The following CXorf58 variants were observed in gnomAD, a reference collection of about 807,000 sequenced individuals.
CXorf58 encodes uncharacterized protein CXorf58.
CXorf58 carries 24 observed loss-of-function variants against 26.0 expected under a neutral mutation model. The observed-to-expected ratio is 0.92, with a 90% CI of 0.67 to 1.30. CXorf58 has a LOEUF of 1.30. Among genes scored for constraint, CXorf58 ranks in the 50% most tolerant of loss-of-function variants. The pLI is 0.00. For missense variants in CXorf58, 236 were observed against 263.9 expected (o/e 0.89, Z 0.73); for synonymous variants, 87 against 86.1 (o/e 1.01, Z -0.06).
At chrX:23,923,345 G>C (rs1927916778) in intron 5 of CXorf58, among the ~76,000 whole-genome samples, 1 of 110,739 alleles carries the variant, frequency 9.0e-6, no homozygotes, top group Non-Finnish European at 1.9e-5. Context: ...ATTGGTGGTG[G>C]TGGCTGAGTG....
intron 7 of CXorf58, among the ~76,000 whole-genome samples, chrX:23,937,493 C>T (rs1331565686): frequency 2.9e-5 from 3 of 104,448 alleles, no homozygotes; most frequent in East Asian, 3.1e-4. Flanking sequence ...GGCACAATCT[C>T]GGCTCCCCAC....
At chrX:23,909,071 C>T (rs918556300) in intron 1 of CXorf58, among the ~76,000 whole-genome samples, 2 of 111,549 alleles carry the variant, frequency 1.8e-5, no homozygotes, top group Non-Finnish European at 3.8e-5. Flanking sequence ...ATGTTAAGGG[C>T]TGCTTTTCTC....
At chrX:23,926,506 A>AAG (rs1419272953) in intron 5 of CXorf58, among the ~76,000 whole-genome samples, 1 of 111,953 alleles carries the variant, frequency 8.9e-6, no homozygotes, top group African/African-American at 3.2e-5. Context: ...TAACACATAA[A>AAG]AGAGAGGTGG....
intron 3 of CXorf58, among the ~76,000 whole-genome samples, chrX:23,914,806 C>G (rs1218428725): frequency 9.1e-6 from 1 of 110,422 alleles, no homozygotes; most frequent in Non-Finnish European, 1.9e-5. Context: ...ATCACTTGAA[C>G]CTGGGAGGTG....
intron 6 of CXorf58, among the ~76,000 whole-genome samples, chrX:23,928,390 C>G (rs759909736): frequency 5.4e-4 from 60 of 110,728 alleles, no homozygotes; most frequent in Non-Finnish European, 1.0e-3. Flanking sequence ...ACCATATTGG[C>G]CAGGCTGGTC....
chrX:23,911,927 C>A (rs1187279855), intron 3 of CXorf58, 71 bp downstream of exon 3: 2 of 698,475 alleles, frequency 2.9e-6, no homozygotes, highest in Admixed American at 3.1e-5. Context: ...AATTAAAGAT[C>A]GAATAGATAA....
chrX:23,929,429 G>A (rs6627986), intron 6 of CXorf58, among the ~76,000 whole-genome samples: 20 of 81,701 alleles, frequency 2.4e-4, no homozygotes, highest in Middle Eastern at 6.8e-3. Context: ...AAAAGAAAAA[G>A]AAAAAAAAAG....
chrX:23,924,299 T>A (rs1927943936), intron 5 of CXorf58, among the ~76,000 whole-genome samples: 1 of 95,828 alleles, frequency 1.0e-5, no homozygotes, highest in South Asian at 5.6e-4. Flanking sequence ...AATACTATCT[T>A]TATTTTATTT....
At chrX:23,919,710 G>T (rs1408960303) in intron 5 of CXorf58, among the ~76,000 whole-genome samples, 1 of 112,312 alleles carries the variant, frequency 8.9e-6, no homozygotes, top group Non-Finnish European at 1.9e-5. Context: ...CAATGTCTGG[G>T]CATCGAAGAG....
At chrX:23,937,889 A>ATT (rs753150925) in intron 7 of CXorf58, among the ~76,000 whole-genome samples, 4 of 100,899 alleles carry the variant, frequency 4.0e-5, no homozygotes, top group Non-Finnish European at 8.2e-5. Flanking sequence ...ATGAAATGTA[A>ATT]TTTTTTTTTT....
chrX:23,919,510 CT>C (rs1927810527), intron 5 of CXorf58, among the ~76,000 whole-genome samples: 1 of 112,363 alleles, frequency 8.9e-6, no homozygotes, highest in Non-Finnish European at 1.9e-5. Flanking sequence ...GTTGAGCTTT[CT>C]CAAAACAGCT....
chrX:23,921,955 C>T lies in CXorf58; in HGVS notation c.424-5284C>T, dbSNP rs754617634. On this transcript the variant is annotated intron_variant, in intron 5 of 8. Coordinates refer to ENST00000379211, the MANE Select transcript of CXorf58 (RefSeq NM_152761.3). ...TGGCCTCAAGCGATCTGCCCACTTC[C>T]GCCTCCCAAAGTGCTGAGCCTACTG... is the stretch of plus-strand genomic sequence containing the variant. Among the ~76,000 whole-genome samples the T allele has an allele frequency of 5.4e-5, 6 of 110,477 alleles. No homozygotes were observed. In the South Asian group the frequency reaches 1.6e-3, roughly 29 times the overall value.
chrX:23,934,550 G>A (rs368794098), intron 6 of CXorf58, among the ~76,000 whole-genome samples: 4 of 111,460 alleles, frequency 3.6e-5, no homozygotes, highest in East Asian at 2.8e-4. Context: ...ACAGGTGTGC[G>A]CCACCACGCC....
chrX:23,939,207 T>C lies in CXorf58; in HGVS notation c.940-37T>C, dbSNP rs769686210. ...AATATAAAGTAGTAAAAACCAAATA[T>C]ATAACACTTCCTACTTTTATTGATA... is the stretch of plus-strand genomic sequence containing the variant. On this transcript the variant is annotated intron_variant, in intron 8 of 8. Coordinates refer to ENST00000379211, the MANE Select transcript of CXorf58 (RefSeq NM_152761.3). 6.9e-6 allele frequency: 7 copies of C among 1,019,240 alleles called. No homozygotes were observed. The Admixed American group carries it at 1.8e-4, about 26-fold the overall frequency. 84.0% of individuals were successfully genotyped at this position (1,019,240 alleles called of 1,213,427 possible). A position where few individuals can be genotyped will look rare whatever the true frequency, so the allele number is the denominator to read the frequency against.
At chrX:23,911,721 C>T (rs1453012763) in intron 2 of CXorf58, 36 bp from the exon 3 acceptor site, 2 of 976,185 alleles carry the variant, frequency 2.0e-6, no homozygotes, top group African/African-American at 3.9e-5. Context: ...AAAATGAAAA[C>T]TACTTTATAA....
intron 1 of CXorf58, 139 bp from the exon 2 acceptor site, chrX:23,910,144 A>C: frequency 2.6e-6 from 1 of 380,559 alleles, no homozygotes; most frequent in Non-Finnish European, 4.6e-6. Flanking sequence ...GTAAACTGTA[A>C]GCAACTTTAA....
intron 5 of CXorf58, among the ~76,000 whole-genome samples, chrX:23,921,562 T>C (rs2520229): frequency 0.54 from 59,830 of 110,817 alleles, 13,310 homozygotes; most frequent in Non-Finnish European, 0.71. Context: ...CTGGTAACAC[T>C]TGGATTCATG....
chrX:23,917,656 G>A (rs947955015), intron 5 of CXorf58, among the ~76,000 whole-genome samples: 3 of 110,583 alleles, frequency 2.7e-5, no homozygotes, highest in Non-Finnish European at 5.7e-5. Flanking sequence ...GACCTCAGGT[G>A]ATTCGCCCGC....
intron 6 of CXorf58, among the ~76,000 whole-genome samples, chrX:23,932,329 T>C (rs1171260361): frequency 8.9e-6 from 1 of 112,160 alleles, no homozygotes; most frequent in East Asian, 2.8e-4. Flanking sequence ...TGTTGATAAG[T>C]TCATCCTCAC....
Sources: allele counts gnomAD v4.1 joint callset (sites outside exome capture counted in the v4.1 genomes callset), GRCh38; gene constraint gnomAD v4.1.1; transcripts MANE v1.5; gene names NCBI Gene and HGNC (gene_info 2026-07-23, HGNC 2026-07-21).